Variants in CELF2 observed in about 807,000 individuals in gnomAD.
The protein encoded by CELF2 is CUGBP Elav-like family member 2, also known as CUG triplet repeat RNA-binding protein 2.
A neutral mutation model predicts 62.6 loss-of-function variants in CELF2; 8 were observed. The observed-to-expected ratio is 0.13, with a 90% confidence interval of 0.07 to 0.23. The LOEUF is 0.23. Among genes scored for constraint, CELF2 ranks in the 10% least tolerant of loss-of-function variants. The pLI is 1.00. For missense variants in CELF2, 333 were observed against 671.0 expected (o/e 0.50, Z 5.56); for synonymous variants, 258 against 250.0 (o/e 1.03, Z -0.30).
chr10:10,625,785 G>T, the CELF2 span, among the ~76,000 whole-genome samples: 1 of 152,178 alleles, frequency 6.6e-6, no homozygotes, highest in South Asian at 2.1e-4. Context: ...GCCCCGTCCC[G>T]TGATCTGAAG....
chr10:10,547,700 TG>T, the CELF2 span, among the ~76,000 whole-genome samples: 1 of 138,050 alleles, frequency 7.2e-6, no homozygotes, highest in Non-Finnish European at 1.5e-5. Flanking sequence ...AGAGTGTGTG[TG>T]TGTGTGTGTG....
At chr10:11,055,217 TA>T (rs112765877) in intron 1 of CELF2, among the ~76,000 whole-genome samples, 7 of 152,344 alleles carry the variant, frequency 4.6e-5, no homozygotes, top group African/African-American at 1.7e-4. Context: ...TCTCCTGGTG[TA>T]CTTCACTAGG....
At chr10:10,655,026 G>A in the CELF2 span, among the ~76,000 whole-genome samples, 5 of 147,130 alleles carry the variant, frequency 3.4e-5, no homozygotes, top group African/African-American at 5.0e-5. Context: ...CAAAGTCTCA[G>A]GATACAAAAT....
At chr10:11,289,241 G>A (rs2092073128) in intron 9 of CELF2, among the ~76,000 whole-genome samples, 1 of 151,990 alleles carries the variant, frequency 6.6e-6, no homozygotes, top group Admixed American at 6.6e-5. Context: ...GAGTTTTCCA[G>A]ACCTCAATAG....
In CELF2 at chr10:11,296,830, G is replaced by A. The variant is rs1424320122; in HGVS notation, c.976+8278G>A. ...TGAGCCAAAATGTTCAGGGTGGGTA[G>A]GATGTTTAAAAGTAGAAGCAGAATG... On this transcript the variant is annotated intron_variant, in intron 9 of 12. Coordinates refer to ENST00000633077, the MANE Select transcript of CELF2 (RefSeq NM_001326342.2). The surrounding 1 kb of genome is among the most constrained non-coding windows in gnomAD (Gnocchi z 5.0). Among the ~76,000 whole-genome samples, 1 of 152,172 alleles carries A rather than the reference G, an allele frequency of 6.6e-6. No homozygotes were observed. The highest frequency in any genetic ancestry group is 1.9e-4 in the East Asian group (1 of 5,196).
chr10:10,770,329 CTCAATCAATCAA>C, the CELF2 span, among the ~76,000 whole-genome samples: 162 of 152,066 alleles, frequency 1.1e-3, no homozygotes, highest in African/African-American at 3.7e-3. Flanking sequence ...GAGACTCCAT[CTCAATCAATCAA>C]TCAATCAATC....
At chr10:11,164,905 C>G (rs1284880414) in intron 1 of CELF2, 1 of 222,180 alleles carries the variant, frequency 4.5e-6, no homozygotes, top group Non-Finnish European at 7.6e-6. Context: ...ATGGATGCCT[C>G]GCGCACTCTG....
upstream of CELF2, among the ~76,000 whole-genome samples, chr10:10,795,307 C>CA (rs201225539): frequency 4.1e-5 from 6 of 147,830 alleles, no homozygotes; most frequent in Admixed American, 1.3e-4. Context: ...TTATGAATGC[C>CA]AAAAAAAATT....
At position 11,285,742 on chromosome 10, in the gene CELF2, G is replaced by C. The variant is rs544668925; in HGVS notation, c.842-2676G>C. 2.6e-5 allele frequency among the ~76,000 whole-genome samples: 4 copies of C among 152,200 alleles called. No homozygotes were observed. The highest frequency in any genetic ancestry group is 9.6e-5 in the African/African-American group (4 of 41,500). On this transcript the variant is annotated intron_variant, in intron 8 of 12. Transcript: ENST00000633077. This position sits in a 1 kb window ranked among gnomAD's most constrained non-coding sequence, Gnocchi z 4.3. ...AGCTCTGTACAGACAATACTCTTCAGAGCAATTTATGTAAATGTCAAACTT... is the reference window on the plus strand; with the variant it reads ...AGCTCTGTACAGACAATACTCTTCACAGCAATTTATGTAAATGTCAAACTT...
chr10:10,963,880 A>G (rs1014641646), intron 2 of CELF2, among the ~76,000 whole-genome samples: 19 of 152,212 alleles, frequency 1.2e-4, no homozygotes, highest in African/African-American at 4.3e-4. Context: ...ATACGCATCT[A>G]TGTCCTCAAT....
chr10:11,195,499 C>A lies in CELF2; in HGVS notation c.272-21926C>A, dbSNP rs117553784. On this transcript the variant is annotated intron_variant, in intron 2 of 12. Coordinates refer to ENST00000633077, the MANE Select transcript of CELF2 (RefSeq NM_001326342.2). ...CTTCCACATCCATCCAGGCGGATGGCAGTGCTTCTTGTAGAAAGCAATGTC... is the reference window on the plus strand; with the variant it reads ...CTTCCACATCCATCCAGGCGGATGGAAGTGCTTCTTGTAGAAAGCAATGTC... Among the ~76,000 whole-genome samples, 172 of 152,338 alleles carry A rather than the reference C, an allele frequency of 1.1e-3. 2 individuals are homozygous for A. The highest frequency in any genetic ancestry group is 2.5e-3 in the Admixed American group (39 of 15,306).
the CELF2 span, among the ~76,000 whole-genome samples, chr10:10,662,037 G>C: frequency 1.3e-5 from 2 of 152,030 alleles, no homozygotes; most frequent in Admixed American, 6.5e-5. Flanking sequence ...GGAGAGTTGC[G>C]GGGGGTGGAG....
At chr10:10,836,959 A>G (rs1355845442) in intron 1 of CELF2, among the ~76,000 whole-genome samples, 1 of 152,152 alleles carries the variant, frequency 6.6e-6, no homozygotes, top group Non-Finnish European at 1.5e-5. Flanking sequence ...TAACTTGACC[A>G]TATGAATACA....
At chr10:11,062,158 A>T (rs923362954) in intron 1 of CELF2, among the ~76,000 whole-genome samples, 1 of 152,228 alleles carries the variant, frequency 6.6e-6, no homozygotes, top group Non-Finnish European at 1.5e-5. Flanking sequence ...GGGGGGGAAA[A>T]AAAAATTCCT....
At chr10:11,137,217 G>C (rs1476233692) in intron 1 of CELF2, among the ~76,000 whole-genome samples, 1 of 152,212 alleles carries the variant, frequency 6.6e-6, no homozygotes, top group Non-Finnish European at 1.5e-5. Context: ...GATTGCTGTA[G>C]GTTGGCTTTC....
chr10:10,771,125 TC>T, the CELF2 span, among the ~76,000 whole-genome samples: 1 of 152,206 alleles, frequency 6.6e-6, no homozygotes, highest in Non-Finnish European at 1.5e-5. Context: ...CTTTTGCCTG[TC>T]CCTGAAGCTT....
rs765370751 is a variant in CELF2 at position 11,177,997 on chromosome 10, G to A, written c.271+12315G>A. Reference sequence around the variant, plus strand: ...CTAGATTGGAACAGCGTGACTGCCTGGTAGGATAAAGGAGACGACATCTGA... The same window carrying A: ...CTAGATTGGAACAGCGTGACTGCCTAGTAGGATAAAGGAGACGACATCTGA... On this transcript the variant is annotated intron_variant, in intron 2 of 12. Coordinates refer to ENST00000633077, the MANE Select transcript of CELF2 (RefSeq NM_001326342.2). This position sits in a 1 kb window ranked among gnomAD's most constrained non-coding sequence, Gnocchi z 4.8. Among the ~76,000 whole-genome samples, 7 of 152,186 alleles carry A rather than the reference G, an allele frequency of 4.6e-5. No individual in the cohort carries two copies. The highest frequency in any genetic ancestry group is 1.3e-4 in the Admixed American group (2 of 15,280).
At chr10:11,009,173 T>C (rs374114148) in intron 1 of CELF2, among the ~76,000 whole-genome samples, 13 of 152,016 alleles carry the variant, frequency 8.6e-5, no homozygotes, top group Admixed American at 2.0e-4. Context: ...TTGGCTGACA[T>C]TGGAAAGAGA....
intron 1 of CELF2, among the ~76,000 whole-genome samples, chr10:10,844,450 C>T (rs569536111): frequency 4.6e-5 from 7 of 152,120 alleles, no homozygotes; most frequent in South Asian, 2.1e-4. Context: ...AAAAAATGAA[C>T]TCTTTAAGAC....
Sources: gnomAD v4.1 joint callset for allele counts (sites outside exome capture counted in the v4.1 genomes callset) on GRCh38, gnomAD v4.1.1 for gene constraint, Gnocchi (gnomAD v3.1) non-coding constraint, MANE v1.5 for transcripts, NCBI Gene and HGNC (gene_info 2026-07-23, HGNC 2026-07-21) for gene names.